Variants in TENT4B observed in about 807,000 individuals in gnomAD.
The protein encoded by TENT4B is PAP associated domain containing 5.
A neutral mutation model predicts 75.0 loss-of-function variants in TENT4B; 10 were observed. The ratio of observed to expected loss-of-function variants is 0.13; its 90% confidence interval spans 0.08 to 0.23. The LOEUF is 0.23. TENT4B is among the 10% of genes least tolerant of loss of function. The probability of loss-of-function intolerance (pLI) is 1.00; values close to 1 mark genes in which losing one functional copy is unlikely to be tolerated. For synonymous variants in TENT4B, 350 were observed against 357.7 expected (o/e 0.98, Z 0.24); for missense variants, 579 against 893.8 (o/e 0.65, Z 4.49).
intron 1 of TENT4B, among the ~76,000 whole-genome samples, chr16:50,164,707 A>G (rs1018126997): frequency 2.6e-5 from 4 of 152,054 alleles, no homozygotes; most frequent in Non-Finnish European, 5.9e-5. Flanking sequence ...GGAGAAGGGC[A>G]TCAGAATATT....
At position 50,232,662 on chromosome 16, in the gene TENT4B, A is replaced by G. The variant is rs185230637; in HGVS notation, c.*3334A>G. On this transcript the variant is annotated 3_prime_UTR_variant, in exon 12 of 12. Coordinates refer to ENST00000561678, the MANE Select transcript of TENT4B (RefSeq NM_001365324.3). ...ACGTGCAGGATTCTCTTGCTGTGAC[A>G]TGTTCATTGCAAAGCCCTCTCCAGT... 1 of 985,150 alleles carries G rather than the reference A, an allele frequency of 1.0e-6. No homozygotes were observed. Among genetic ancestry groups the G allele is most frequent in the Non-Finnish European group, 1.2e-6 (1 of 829,920 alleles). The allele number at this position is 985,150 out of a possible 1,614,324, so 61.0% of individuals were successfully genotyped here.
intron 1 of TENT4B, among the ~76,000 whole-genome samples, chr16:50,193,941 C>T (rs1296241090): frequency 6.6e-6 from 1 of 152,164 alleles, no homozygotes; most frequent in Admixed American, 6.5e-5. Context: ...CCCCACAGAG[C>T]TGTGGAGTGG....
At chr16:50,223,420 A>G (rs781143465) in intron 7 of TENT4B, 33 bp downstream of exon 7, 2 of 1,450,470 alleles carry the variant, frequency 1.4e-6, no homozygotes, top group Non-Finnish European at 1.9e-6. Context: ...TGGGCATTCA[A>G]AGAGAGGGCA....
Position 50,234,225 on chromosome 16 carries a change from G to C in TENT4B, c.*4897G>C, listed in dbSNP as rs183387418. The C allele has an allele frequency of 5.6e-5, 55 of 985,636 alleles. No homozygotes were observed. In the African/African-American group the frequency reaches 8.9e-4, roughly 16 times the overall value. The allele number at this position is 985,636 out of a possible 1,614,324, so 61.1% of individuals were successfully genotyped here. On this transcript the variant is annotated 3_prime_UTR_variant, in exon 12 of 12. Coordinates refer to ENST00000561678, the MANE Select transcript of TENT4B (RefSeq NM_001365324.3). ...TCCCAGCACTTTGGGAGGCCGAAGC[G>C]GGAGGATGGCTTGAGGCTGGGAGTT...
At chr16:50,201,136 A>G (rs1251302237) in intron 1 of TENT4B, among the ~76,000 whole-genome samples, 1 of 152,224 alleles carries the variant, frequency 6.6e-6, no homozygotes, top group Non-Finnish European at 1.5e-5. Flanking sequence ...TTGAAAAAAT[A>G]TAGGACCTCA....
At chr16:50,155,889 G>C (rs1020305954) in intron 1 of TENT4B, among the ~76,000 whole-genome samples, 4 of 152,046 alleles carry the variant, frequency 2.6e-5, no homozygotes, top group Admixed American at 2.0e-4. Context: ...TTCCTTAATT[G>C]CATTTTACTG....
chr16:50,223,513 G>A (rs938122743), intron 7 of TENT4B, 126 bp downstream of exon 7: 6 of 675,064 alleles, frequency 8.9e-6, no homozygotes, highest in African/African-American at 5.4e-5. Flanking sequence ...TTTTTTCATC[G>A]AAATATTTCA....
At chr16:50,160,088 G>A (rs151071348) in intron 1 of TENT4B, among the ~76,000 whole-genome samples, 1,543 of 152,122 alleles carry the variant, frequency 0.01, 72 homozygotes, top group Admixed American at 0.068. Flanking sequence ...TAGTAGAGAC[G>A]GGGTTTCGCC....
At chr16:50,163,087 T>C (rs2038030890) in intron 1 of TENT4B, among the ~76,000 whole-genome samples, 1 of 152,226 alleles carries the variant, frequency 6.6e-6, no homozygotes, top group Non-Finnish European at 1.5e-5. Context: ...TAGTTTTCCC[T>C]TACTGGCCCT....
At chr16:50,193,469 C>T (rs1379976493) in intron 1 of TENT4B, among the ~76,000 whole-genome samples, 1 of 151,518 alleles carries the variant, frequency 6.6e-6, no homozygotes, top group African/African-American at 2.4e-5. Flanking sequence ...TCCCGAGTAG[C>T]TGGGACTACA....
intron 1 of TENT4B, among the ~76,000 whole-genome samples, chr16:50,166,016 T>C (rs1480871674): frequency 6.6e-6 from 1 of 152,106 alleles, no homozygotes; most frequent in Non-Finnish European, 1.5e-5. Context: ...TTAAAGTGGC[T>C]GTGACATTTT....
chr16:50,184,446 A>G (rs2038484358), intron 1 of TENT4B, among the ~76,000 whole-genome samples: 2 of 152,126 alleles, frequency 1.3e-5, no homozygotes, highest in South Asian at 4.1e-4. Context: ...AGGCGGGTGG[A>G]TACGAGGGTC....
intron 1 of TENT4B, among the ~76,000 whole-genome samples, chr16:50,156,408 G>A (rs958618020): frequency 1.7e-4 from 25 of 150,444 alleles, no homozygotes; most frequent in African/African-American, 5.9e-4. Context: ...GCAGTGGCTC[G>A]ATCTCAGCTC....
chr16:50,198,262 C>G (rs1178624499), intron 1 of TENT4B, among the ~76,000 whole-genome samples: 1 of 150,894 alleles, frequency 6.6e-6, no homozygotes, highest in Non-Finnish European at 1.5e-5. Context: ...ACAAAAAATA[C>G]AAAAAAATTA....
Position 50,222,295 on chromosome 16 carries a change from T to C in TENT4B, c.1039-11T>C. The C allele has an allele frequency of 6.4e-7, 1 of 1,571,400 alleles. No individual in the cohort carries two copies. ...ACAGGAATTCATTGAAAATACAATT[T>C]TCTTTTTCAGAAATATCCTGTATTG... On this transcript the variant is annotated splice_polypyrimidine_tract_variant and intron_variant, in intron 5 of 11. Transcript: ENST00000561678.
intron 8 of TENT4B, 26 bp downstream of exon 8, chr16:50,224,809 A>G (rs774755205): frequency 7.4e-6 from 12 of 1,613,170 alleles, no homozygotes; most frequent in Non-Finnish European, 1.0e-5. Context: ...TAACCAGCCC[A>G]TTGTGTCAAA....
chr16:50,178,670 G>T (rs2038355155), intron 1 of TENT4B, among the ~76,000 whole-genome samples: 1 of 152,106 alleles, frequency 6.6e-6, no homozygotes, highest in African/African-American at 2.4e-5. Context: ...TGAACGTTCA[G>T]ATCATTATGC....
chr16:50,210,273 G>C (rs2031209398), intron 1 of TENT4B, among the ~76,000 whole-genome samples: 1 of 152,096 alleles, frequency 6.6e-6, no homozygotes, highest in African/African-American at 2.4e-5. Context: ...TTTTCTCTCT[G>C]TCCCCCGTCC....
Position 50,233,127 on chromosome 16 carries a change from T to A in TENT4B, c.*3799T>A. Reference sequence around the variant, plus strand: ...CAAACCTAATTGAATATAAAAGTTATATTTAGTAGTTACTGTTGATAGTAA... The same window carrying A: ...CAAACCTAATTGAATATAAAAGTTAAATTTAGTAGTTACTGTTGATAGTAA... On this transcript the variant is annotated 3_prime_UTR_variant, in exon 12 of 12. Transcript: ENST00000561678. The A allele has an allele frequency of 1.0e-6, 1 of 982,592 alleles. No individual in the cohort carries two copies. 60.9% of individuals were successfully genotyped at this position (982,592 alleles called of 1,614,324 possible). A position where few individuals can be genotyped will look rare whatever the true frequency, so the allele number is the denominator to read the frequency against.
Sources: gnomAD v4.1 joint callset for allele counts (sites outside exome capture counted in the v4.1 genomes callset) on GRCh38, gnomAD v4.1.1 for gene constraint, MANE v1.5 for transcripts, NCBI Gene and HGNC (gene_info 2026-07-23, HGNC 2026-07-21) for gene names.